UBE2E1: variants seen among roughly 807,000 people sequenced by gnomAD.
The protein encoded by UBE2E1 is ubiquitin conjugating enzyme E2 E1.
UBE2E1 carries 6 observed loss-of-function variants against 21.4 expected under a neutral mutation model. That is an observed-to-expected ratio of 0.28 (90% CI 0.15 to 0.55). UBE2E1 has a LOEUF of 0.55. Ranked by LOEUF, UBE2E1 falls within the 20% of genes least tolerant of loss-of-function variation. The pLI is 0.93. For synonymous variants in UBE2E1, 87 were observed against 82.7 expected, an observed-to-expected ratio of 1.05 and a Z score of -0.28; for missense variants, 142 against 236.5, an observed-to-expected ratio of 0.60 and a Z score of 2.62.
At chr3:23,830,781 A>G (rs1699851208) in intron 3 of UBE2E1, among the ~76,000 whole-genome samples, 1 of 152,248 alleles carries the variant, frequency 6.6e-6, no homozygotes, top group Non-Finnish European at 1.5e-5. Flanking sequence ...TCATTGAAAC[A>G]TCAGCAAATC....
At chr3:23,834,940 C>T (rs1349159348) in intron 3 of UBE2E1, among the ~76,000 whole-genome samples, 1 of 151,396 alleles carries the variant, frequency 6.6e-6, no homozygotes, top group Non-Finnish European at 1.5e-5. Context: ...TGTGGTATTC[C>T]CTGTAATGCA....
chr3:23,807,666 C>G (rs917767777), intron 2 of UBE2E1: 2 of 383,986 alleles, frequency 5.2e-6, no homozygotes, highest in African/African-American at 4.1e-5. Context: ...TAAGATTCCT[C>G]GTTACTTTTA....
intron 3 of UBE2E1, among the ~76,000 whole-genome samples, chr3:23,873,327 C>T (rs765767112): frequency 3.9e-5 from 6 of 152,186 alleles, no homozygotes; most frequent in Non-Finnish European, 8.8e-5. Context: ...CTGAAGGCAT[C>T]TTTATCCTTC....
chr3:23,883,680 G>A (rs1701106091), intron 3 of UBE2E1, among the ~76,000 whole-genome samples: 1 of 152,096 alleles, frequency 6.6e-6, no homozygotes, highest in Non-Finnish European at 1.5e-5. Flanking sequence ...CACTTTGGCA[G>A]GCTGAGGCAG....
At position 23,810,579 on chromosome 3, in the gene UBE2E1, G is replaced by T; in HGVS notation, c.153-881G>T. The T allele has an allele frequency of 6.7e-7, 1 of 1,501,556 alleles. No homozygotes were observed. 93.0% of individuals were successfully genotyped at this position (1,501,556 alleles called of 1,614,324 possible). A position where few individuals can be genotyped will look rare whatever the true frequency, so the allele number is the denominator to read the frequency against. The stretch of plus-strand genomic sequence containing the variant: ...CGGCCAGCGTGCGGGGCGGAGGCAG[G>T]GTCCGGTGCACCTGTGCGGCCGCGG... On this transcript the variant is annotated intron_variant, in intron 2 of 5. Coordinates refer to ENST00000306627, the MANE Select transcript of UBE2E1 (RefSeq NM_003341.5). The surrounding 1 kb of genome is among the most constrained non-coding windows in gnomAD (Gnocchi z 5.8).
At chr3:23,852,813 C>CA (rs1700354682) in intron 3 of UBE2E1, among the ~76,000 whole-genome samples, 1 of 152,100 alleles carries the variant, frequency 6.6e-6, no homozygotes, top group African/African-American at 2.4e-5. Flanking sequence ...CCATGTTGCC[C>CA]AGGCTGGTCA....
At chr3:23,827,004 C>T (rs1317868634) in intron 3 of UBE2E1, among the ~76,000 whole-genome samples, 2 of 151,946 alleles carry the variant, frequency 1.3e-5, no homozygotes, top group Non-Finnish European at 2.9e-5. Flanking sequence ...GCTAAAGGAC[C>T]AGTTTCTCAT....
chr3:23,841,408 C>T (rs1458838274), intron 3 of UBE2E1, among the ~76,000 whole-genome samples: 1 of 151,710 alleles, frequency 6.6e-6, no homozygotes, highest in Admixed American at 6.6e-5. Flanking sequence ...TGTCTCTCTA[C>T]TCTTCTTACT....
At chr3:23,854,245 A>G (rs1049656081) in intron 3 of UBE2E1, among the ~76,000 whole-genome samples, 5 of 133,962 alleles carry the variant, frequency 3.7e-5, no homozygotes, top group African/African-American at 1.5e-4. Context: ...CTCAGTCTCA[A>G]AAAAAAAAAA....
At chr3:23,884,137 GTTTT>G (rs1701121012) in intron 3 of UBE2E1, among the ~76,000 whole-genome samples, 4 of 151,372 alleles carry the variant, frequency 2.6e-5, no homozygotes, top group African/African-American at 4.8e-5. Flanking sequence ...AGTGTAATAC[GTTTT>G]TTGTCATTAT....
intron 3 of UBE2E1, among the ~76,000 whole-genome samples, chr3:23,828,441 G>A (rs961921532): frequency 1.3e-5 from 2 of 152,120 alleles, no homozygotes; most frequent in Non-Finnish European, 2.9e-5. Flanking sequence ...TAAAAAGTTA[G>A]GTATTTAAAT....
At chr3:23,885,562 A>G (rs1304771176) in intron 3 of UBE2E1, among the ~76,000 whole-genome samples, 3 of 152,098 alleles carry the variant, frequency 2.0e-5, no homozygotes, top group African/African-American at 4.8e-5. Flanking sequence ...GGTGTAGACA[A>G]TGTTTAAAAA....
At chr3:23,817,960 A>G (rs1298683339) in intron 3 of UBE2E1, among the ~76,000 whole-genome samples, 1 of 152,158 alleles carries the variant, frequency 6.6e-6, no homozygotes, top group Non-Finnish European at 1.5e-5. Flanking sequence ...CAGAGTAAGG[A>G]TTGAGTGGAG....
At chr3:23,845,561 T>TTCTCTCTCTCTC (rs144798695) in intron 3 of UBE2E1, among the ~76,000 whole-genome samples, 1 of 136,916 alleles carries the variant, frequency 7.3e-6, no homozygotes, top group Non-Finnish European at 1.5e-5. Context: ...CTGTTTTGGT[T>TTCTCTCTCTCTC]TCTCTCTCTC....
In UBE2E1 at chr3:23,816,249, G is replaced by C. The variant is rs1300738619; in HGVS notation, c.203+4739G>C. Among the ~76,000 whole-genome samples, 1 of 152,178 alleles carries C rather than the reference G, an allele frequency of 6.6e-6. No individual in the cohort carries two copies. Among genetic ancestry groups the C allele is most frequent in the Non-Finnish European group, 1.5e-5 (1 of 68,038 alleles). ...GCTCAAACAGATAACCTGTATGTCA[G>C]TATTCATAGCATTATTCATAGTAGC... On this transcript the variant is annotated intron_variant, in intron 3 of 5. Transcript: ENST00000306627. This position sits in a 1 kb window ranked among gnomAD's most constrained non-coding sequence, Gnocchi z 4.8.
intron 2 of UBE2E1, 64 bp downstream of exon 2, chr3:23,807,485 T>C: frequency 6.3e-7 from 1 of 1,577,334 alleles, no homozygotes; most frequent in Non-Finnish European, 8.6e-7. Flanking sequence ...CTGCATTTGG[T>C]CTGCCTCCCA....
At chr3:23,881,959 GT>G (rs1701053480) in intron 3 of UBE2E1, among the ~76,000 whole-genome samples, 1 of 152,156 alleles carries the variant, frequency 6.6e-6, no homozygotes, top group African/African-American at 2.4e-5. Context: ...GTCCGGAGTT[GT>G]TTATTCCTTC....
rs1048681407 is a variant in UBE2E1 at position 23,842,327 on chromosome 3, G to A, written c.203+30817G>A. 2.0e-5 allele frequency among the ~76,000 whole-genome samples: 3 copies of A among 151,030 alleles called. No individual in the cohort carries two copies. The highest frequency in any genetic ancestry group is 2.0e-4 in the Admixed American group (3 of 15,104). On this transcript the variant is annotated intron_variant, in intron 3 of 5. Transcript: ENST00000306627. This position sits in a 1 kb window ranked among gnomAD's most constrained non-coding sequence, Gnocchi z 4.6. ...AGTGGTGCAGTCACGACTCACTGCA[G>A]CCTCAACCTCATGGGCTCAGGCAGT...
At position 23,890,587 on chromosome 3, in the gene UBE2E1, C is replaced by T. The variant is rs1324166476; in HGVS notation, c.563C>T (p.Thr188Ile). 1 of 1,613,282 alleles carries T rather than the reference C, an allele frequency of 6.2e-7. No homozygotes were observed. Among genetic ancestry groups the T allele is most frequent in the Non-Finnish European group, 8.5e-7 (1 of 1,179,666 alleles). Residue 188 changes from threonine to isoleucine, a missense_variant, in exon 6 of 6, where the codon ACC becomes ATC. Around this residue, in one of 2 missense-constraint regions of UBE2E1, gnomAD observed 87 missense variants for 184.9 expected, o/e 0.47. Transcript: ENST00000306627. ...CATGACAGAATGGCCAGACAGTGGA[C>T]CAAGAGATACGCTACATAAATTGGG... ...AEHDRMARQW[T>I]KRYAT
Sources: allele counts gnomAD v4.1 joint callset (sites outside exome capture counted in the v4.1 genomes callset), GRCh38; gene constraint gnomAD v4.1.1; regional missense constraint gnomAD v4.1.1; non-coding constraint Gnocchi (gnomAD v3.1); transcripts MANE v1.5; gene names NCBI Gene and HGNC (gene_info 2026-07-23, HGNC 2026-07-21).